Variants in FARS2 observed in about 807,000 individuals in gnomAD.
FARS2 encodes the protein phenylalanine--tRNA ligase, mitochondrial.
A neutral mutation model predicts 46.4 loss-of-function variants in FARS2; 40 were observed. The observed-to-expected ratio is 0.86, with a 90% CI of 0.67 to 1.12. FARS2 has a LOEUF of 1.12. Among genes scored for constraint, FARS2 ranks in the 50% most tolerant of loss-of-function variants. The pLI is 0.00. For synonymous variants in FARS2, 234 were observed against 214.9 expected, an observed-to-expected ratio of 1.09 and a Z score of -0.78; for missense variants, 513 against 567.9, an observed-to-expected ratio of 0.90 and a Z score of 0.98.
intron 4 of FARS2, among the ~76,000 whole-genome samples, chr6:5,499,848 C>G (rs796254971): frequency 3.7e-4 from 56 of 152,338 alleles, no homozygotes; most frequent in African/African-American, 1.3e-3. Context: ...TAGTCACTAA[C>G]TACTTAAACT....
intron 1 of FARS2, among the ~76,000 whole-genome samples, chr6:5,263,551 A>C (rs1765342159): frequency 6.6e-6 from 1 of 152,210 alleles, no homozygotes; most frequent in African/African-American, 2.4e-5. Context: ...TGAGATTGTA[A>C]GTAGATTTGG....
intron 4 of FARS2, among the ~76,000 whole-genome samples, chr6:5,538,480 G>T (rs1395064514): frequency 6.6e-6 from 1 of 152,186 alleles, no homozygotes; most frequent in Non-Finnish European, 1.5e-5. Context: ...TTGCCTCTAA[G>T]CTCCGATGGG....
chr6:5,321,798 T>G (rs1769994698), intron 1 of FARS2, among the ~76,000 whole-genome samples: 1 of 152,230 alleles, frequency 6.6e-6, no homozygotes, highest in Non-Finnish European at 1.5e-5. Context: ...ATATATTGAT[T>G]GCTTTTAGGA....
intron 2 of FARS2, among the ~76,000 whole-genome samples, chr6:5,392,762 A>G (rs1308118138): frequency 4.0e-5 from 5 of 125,476 alleles, no homozygotes; most frequent in Non-Finnish European, 8.8e-5. Flanking sequence ...ACACACACAC[A>G]CACACACATG....
At chr6:5,408,302 A>C (rs1292475909) in intron 3 of FARS2, among the ~76,000 whole-genome samples, 1 of 152,150 alleles carries the variant, frequency 6.6e-6, no homozygotes, top group African/African-American at 2.4e-5. Flanking sequence ...GACACCTGGT[A>C]AGTGGGAATT....
intron 6 of FARS2, among the ~76,000 whole-genome samples, chr6:5,662,335 C>T (rs1777889132): frequency 6.6e-6 from 1 of 152,212 alleles, no homozygotes; most frequent in Non-Finnish European, 1.5e-5. Context: ...GGGACTTCCC[C>T]ATGAATAGCA....
chr6:5,344,144 G>A (rs1438718737), intron 1 of FARS2, among the ~76,000 whole-genome samples: 2 of 152,198 alleles, frequency 1.3e-5, no homozygotes, highest in Admixed American at 6.5e-5. Flanking sequence ...TCCAGGTCCA[G>A]TTTATCTAAG....
chr6:5,444,930 C>G (rs1276069157), intron 4 of FARS2, among the ~76,000 whole-genome samples: 1 of 152,212 alleles, frequency 6.6e-6, no homozygotes, highest in Non-Finnish European at 1.5e-5. Context: ...GGCCTGGCCA[C>G]CAGCTGGGCT....
chr6:5,747,251 C>G (rs1214093509), intron 6 of FARS2, among the ~76,000 whole-genome samples: 1 of 152,228 alleles, frequency 6.6e-6, no homozygotes, highest in Non-Finnish European at 1.5e-5. Context: ...GGCCTCTACT[C>G]TGGAGGAAGT....
At chr6:5,703,732 A>G (rs1251265411) in intron 6 of FARS2, among the ~76,000 whole-genome samples, 1 of 152,102 alleles carries the variant, frequency 6.6e-6, no homozygotes, top group Non-Finnish European at 1.5e-5. Context: ...TTCCGTGCAA[A>G]GGTGGACACA....
intron 3 of FARS2, among the ~76,000 whole-genome samples, chr6:5,422,747 C>G (rs1762625326): frequency 6.6e-6 from 1 of 152,128 alleles, no homozygotes; most frequent in Non-Finnish European, 1.5e-5. Context: ...AGTAAATGAA[C>G]AGTAAATGTC....
chr6:5,584,077 C>T (rs1285559416), intron 5 of FARS2, among the ~76,000 whole-genome samples: 1 of 126,188 alleles, frequency 7.9e-6, no homozygotes, highest in East Asian at 3.0e-4. Flanking sequence ...TAGCTAGCTC[C>T]CCCCGACATT....
intron 2 of FARS2, among the ~76,000 whole-genome samples, chr6:5,374,922 A>G (rs1183627633): frequency 2.0e-5 from 3 of 152,078 alleles, no homozygotes; most frequent in Admixed American, 6.5e-5. Flanking sequence ...CAAATTAGAA[A>G]TAGAGGGAAA....
intron 4 of FARS2, among the ~76,000 whole-genome samples, chr6:5,537,583 GAT>G (rs1477109337): frequency 7.3e-4 from 105 of 143,620 alleles, no homozygotes; most frequent in Non-Finnish European, 1.2e-3. Flanking sequence ...TCGAGTTGGA[GAT>G]GTCCCGGGCT....
chr6:5,729,353 G>A (rs569585826), intron 6 of FARS2, among the ~76,000 whole-genome samples: 2 of 152,134 alleles, frequency 1.3e-5, no homozygotes, highest in East Asian at 1.9e-4. Flanking sequence ...GCCCTCCCAC[G>A]GGCACAGCAG....
At chr6:5,336,365 C>A (rs1355020480) in intron 1 of FARS2, among the ~76,000 whole-genome samples, 1 of 151,622 alleles carries the variant, frequency 6.6e-6, no homozygotes, top group Non-Finnish European at 1.5e-5. Flanking sequence ...TTATTTTATA[C>A]CCATATAAAC....
At chr6:5,409,488 C>G (rs2503824) in intron 3 of FARS2, among the ~76,000 whole-genome samples, 83,593 of 151,826 alleles carry the variant, frequency 0.55, 23,454 homozygotes, top group African/African-American at 0.66. Flanking sequence ...TAGCAGTGAA[C>G]TTGTAGCTTC....
intron 6 of FARS2, among the ~76,000 whole-genome samples, chr6:5,762,247 A>AT (rs1190058577): frequency 6.6e-6 from 1 of 152,042 alleles, no homozygotes; most frequent in Non-Finnish European, 1.5e-5. Context: ...TTACCTATAC[A>AT]TTTTTTTCAT....
intron 2 of FARS2, among the ~76,000 whole-genome samples, chr6:5,378,960 G>T (rs1213939210): frequency 1.3e-5 from 2 of 152,150 alleles, no homozygotes; most frequent in African/African-American, 4.8e-5. Flanking sequence ...TTTTTCTGTG[G>T]CACAGGGCTT....
Sources: gnomAD v4.1 joint callset for allele counts (sites outside exome capture counted in the v4.1 genomes callset) on GRCh38, gnomAD v4.1.1 for gene constraint, MANE v1.5 for transcripts, NCBI Gene and HGNC (gene_info 2026-07-23, HGNC 2026-07-21) for gene names.